NTM: variants seen among roughly 807,000 people sequenced by gnomAD.
NTM encodes neurotrimin, also known as IgLON family member 2.
Under a neutral mutation model 42.1 loss-of-function variants are expected in NTM, and 13 were observed. The ratio of observed to expected loss-of-function variants is 0.31; its 90% confidence interval spans 0.20 to 0.49. NTM has a LOEUF of 0.49. Among genes scored for constraint, NTM ranks in the 20% least tolerant of loss-of-function variants. The pLI, the probability that NTM is intolerant of heterozygous loss-of-function variation, is 0.99. For synonymous variants in NTM, 187 were observed against 179.2 expected (o/e 1.04, Z -0.35); for missense variants, 373 against 452.8 (o/e 0.82, Z 1.60).
At chr11:131,680,607 G>A (rs1321218499) in intron 1 of NTM, among the ~76,000 whole-genome samples, 4 of 81,172 alleles carry the variant, frequency 4.9e-5, no homozygotes, top group African/African-American at 1.1e-4. Flanking sequence ...GATCATGCCT[G>A]TGTCTGTGTC....
intron 4 of NTM, among the ~76,000 whole-genome samples, chr11:132,276,108 T>C (rs2093718106): frequency 6.6e-6 from 1 of 152,124 alleles, no homozygotes; most frequent in African/African-American, 2.4e-5. Context: ...TGTCATTCTG[T>C]GTCTGGCTTA....
intron 1 of NTM, among the ~76,000 whole-genome samples, chr11:131,632,546 G>C (rs1225431696): frequency 6.6e-6 from 1 of 151,696 alleles, no homozygotes; most frequent in Non-Finnish European, 1.5e-5. Context: ...TCCAGATAGG[G>C]TTCTTCCTTT....
intron 1 of NTM, among the ~76,000 whole-genome samples, chr11:131,765,486 C>T (rs536543271): frequency 9.6e-4 from 146 of 152,140 alleles, no homozygotes; most frequent in Non-Finnish European, 1.7e-3. Context: ...CTATCTTATC[C>T]GCTTATGTAT....
At chr11:131,540,956 A>G (rs1202720692) in intron 1 of NTM, 2 of 152,224 alleles carry the variant, frequency 1.3e-5, no homozygotes, top group Non-Finnish European at 2.9e-5. Flanking sequence ...CCTTGAGTCA[A>G]TTCATACTTC....
Position 131,616,413 on chromosome 11 carries a change from C to A in NTM, c.82+245525C>A, listed in dbSNP as rs955481041. On this transcript the variant is annotated intron_variant, in intron 1 of 8. Coordinates refer to ENST00000683400, the MANE Select transcript of NTM (RefSeq NM_001352005.2). Reference sequence around the variant, plus strand: ...GGCAAGGGAGAGAGCCAGGCCTCCACAAAGCAGAGAGGAAGCAATTTGACA... The same window carrying A: ...GGCAAGGGAGAGAGCCAGGCCTCCAAAAAGCAGAGAGGAAGCAATTTGACA... Among the ~76,000 whole-genome samples, 147 of 152,288 alleles carry A rather than the reference C, an allele frequency of 9.7e-4. 2 individuals carry two copies. Among genetic ancestry groups the A allele is most frequent in the African/African-American group, 3.5e-3 (145 of 41,566 alleles).
chr11:131,731,157 C>G (rs1187397730), intron 1 of NTM, among the ~76,000 whole-genome samples: 1 of 152,172 alleles, frequency 6.6e-6, no homozygotes, highest in Admixed American at 6.5e-5. Flanking sequence ...CCTCCTCCTC[C>G]TCCTCCCGTG....
intron 2 of NTM, among the ~76,000 whole-genome samples, chr11:131,955,346 T>C (rs1195349365): frequency 6.6e-6 from 1 of 152,190 alleles, no homozygotes; most frequent in Non-Finnish European, 1.5e-5. Context: ...GGCTACTTGA[T>C]CTTTTGTCCC....
chr11:131,478,549 A>G (rs887983826), intron 1 of NTM, among the ~76,000 whole-genome samples: 5 of 152,178 alleles, frequency 3.3e-5, no homozygotes, highest in African/African-American at 1.2e-4. Context: ...GAAATGCCTG[A>G]GGGTAGGAGT....
At chr11:131,961,913 C>T (rs1018848997) in intron 2 of NTM, among the ~76,000 whole-genome samples, 10 of 152,214 alleles carry the variant, frequency 6.6e-5, no homozygotes, top group African/African-American at 1.9e-4. Context: ...TCTAGGAAGG[C>T]GGACATGTTG....
At chr11:132,296,393 A>G (rs376040349) in intron 4 of NTM, among the ~76,000 whole-genome samples, 2 of 152,188 alleles carry the variant, frequency 1.3e-5, no homozygotes, top group Non-Finnish European at 2.9e-5. Context: ...AACTTTTCCT[A>G]TAGTTTGTTC....
At chr11:131,638,436 G>A (rs180742642) in intron 1 of NTM, among the ~76,000 whole-genome samples, 2 of 151,858 alleles carry the variant, frequency 1.3e-5, no homozygotes, top group East Asian at 3.9e-4. Flanking sequence ...CATGATGGCG[G>A]GTGCCTGTAA....
chr11:131,795,453 A>T (rs2091448531), intron 1 of NTM: 1 of 985,434 alleles, frequency 1.0e-6, no homozygotes, highest in Non-Finnish European at 1.2e-6. Context: ...AATGCTTGAT[A>T]TGCAGCTTGT....
At chr11:131,762,933 C>T (rs1163574839) in intron 1 of NTM, among the ~76,000 whole-genome samples, 1 of 152,240 alleles carries the variant, frequency 6.6e-6, no homozygotes, top group African/African-American at 2.4e-5. Context: ...CTTATTCATG[C>T]TGCCTGCTGC....
chr11:131,946,033 G>A (rs1393508781), intron 2 of NTM, among the ~76,000 whole-genome samples: 1 of 152,144 alleles, frequency 6.6e-6, no homozygotes, highest in African/African-American at 2.4e-5. Context: ...TACATAAGAG[G>A]AAGATTGATA....
At chr11:131,795,041 G>T (rs537699557) in intron 1 of NTM, 1 of 964,998 alleles carries the variant, frequency 1.0e-6, no homozygotes, top group Non-Finnish European at 1.2e-6. Flanking sequence ...GTAGCCAAAG[G>T]GGGGGAAAAA....
At chr11:132,044,809 ACCCTCCCG>A in intron 2 of NTM, among the ~76,000 whole-genome samples, 1 of 152,030 alleles carries the variant, frequency 6.6e-6, no homozygotes, top group Non-Finnish European at 1.5e-5. Context: ...GGACACAGGC[ACCCTCCCG>A]AGACTGAACC....
At chr11:132,259,838 C>T (rs2092735014) in intron 4 of NTM, among the ~76,000 whole-genome samples, 1 of 151,950 alleles carries the variant, frequency 6.6e-6, no homozygotes, top group Non-Finnish European at 1.5e-5. Context: ...CAAACTCCGC[C>T]TCCCAGATCA....
chr11:131,445,966 A>T (rs537258235), intron 1 of NTM, among the ~76,000 whole-genome samples: 1 of 152,344 alleles, frequency 6.6e-6, no homozygotes, highest in African/African-American at 2.4e-5. Flanking sequence ...TGGCCTGCAA[A>T]GGCTAACATA....
chr11:131,942,688 G>A (rs553580345), intron 2 of NTM, among the ~76,000 whole-genome samples: 2 of 152,242 alleles, frequency 1.3e-5, no homozygotes, highest in South Asian at 4.2e-4. Flanking sequence ...GCTTATGCTT[G>A]TAATCCCAAA....
Sources: gnomAD v4.1 joint callset for allele counts (sites outside exome capture counted in the v4.1 genomes callset) on GRCh38, gnomAD v4.1.1 for gene constraint, MANE v1.5 for transcripts, NCBI Gene and HGNC (gene_info 2026-07-23, HGNC 2026-07-21) for gene names.